Variants in DGKI observed in about 807,000 individuals in gnomAD.
The protein encoded by DGKI is diacylglycerol kinase iota.
Under a neutral mutation model 147.5 loss-of-function variants are expected in DGKI, and 55 were observed. That is an observed-to-expected ratio of 0.37 (90% CI 0.30 to 0.47). The LOEUF (loss-of-function observed/expected upper bound fraction) is 0.47. DGKI is among the 20% of genes least tolerant of loss of function. DGKI has a pLI of 1.00. For synonymous variants in DGKI, 469 were observed against 477.1 expected (o/e 0.98, Z 0.22); for missense variants, 1,007 against 1,323.8 (o/e 0.76, Z 3.71).
chr7:137,404,021 CA>C, intron 30 of DGKI, among the ~76,000 whole-genome samples: 1 of 152,234 alleles, frequency 6.6e-6, no homozygotes, highest in South Asian at 2.1e-4. Context: ...CCAGAGTTAT[CA>C]TCATTACTAA....
intron 6 of DGKI, among the ~76,000 whole-genome samples, chr7:137,636,884 C>T (rs1340737112): frequency 6.6e-6 from 1 of 152,174 alleles, no homozygotes; most frequent in East Asian, 1.9e-4. Context: ...ACACTCAGGG[C>T]TCCTCCTTCC....
At chr7:137,688,648 A>ACATAATACACTCTCATCATTGCTCCATG (rs1823506083) in intron 2 of DGKI, among the ~76,000 whole-genome samples, 2 of 152,238 alleles carry the variant, frequency 1.3e-5, no homozygotes, top group African/African-American at 2.4e-5. Context: ...GTTCCTTGAT[A>ACATAATACACTCTCATCATTGCTCCATG]CATAATACAC....
intron 1 of DGKI, among the ~76,000 whole-genome samples, chr7:137,797,802 G>A (rs1797079755): frequency 6.6e-6 from 1 of 151,760 alleles, no homozygotes; most frequent in East Asian, 1.9e-4. Context: ...CACACCTTAA[G>A]AAACTAGAAG....
At chr7:137,659,677 A>G (rs1822349073) in intron 3 of DGKI, among the ~76,000 whole-genome samples, 1 of 152,228 alleles carries the variant, frequency 6.6e-6, no homozygotes, top group Non-Finnish European at 1.5e-5. Context: ...TCATGCCTGT[A>G]ATCCCAGCAC....
chr7:137,428,816 A>G (rs1812931886), intron 28 of DGKI, among the ~76,000 whole-genome samples: 3 of 152,136 alleles, frequency 2.0e-5, no homozygotes, highest in African/African-American at 4.8e-5. Context: ...CTTCAAAGAG[A>G]ATAAAATACC....
At chr7:137,581,355 T>C (rs1253423738) in intron 15 of DGKI, among the ~76,000 whole-genome samples, 1 of 152,116 alleles carries the variant, frequency 6.6e-6, no homozygotes, top group African/African-American at 2.4e-5. Context: ...CTATAGCTCC[T>C]CTATTGTTCT....
At chr7:137,689,258 A>G (rs2116450063) in intron 2 of DGKI, among the ~76,000 whole-genome samples, 1 of 152,334 alleles carries the variant, frequency 6.6e-6, no homozygotes, top group East Asian at 1.9e-4. Flanking sequence ...CTTTGGGTCT[A>G]CAGTTAGAAA....
intron 6 of DGKI, among the ~76,000 whole-genome samples, chr7:137,642,929 A>AGT (rs1207086851): frequency 0.16 from 19,413 of 120,950 alleles, 1,754 homozygotes; most frequent in African/African-American, 0.23. Flanking sequence ...ATTATGGAAT[A>AGT]GTGTGTGTGT....
chr7:137,508,880 A>C (rs937079489), intron 21 of DGKI, among the ~76,000 whole-genome samples: 10 of 152,238 alleles, frequency 6.6e-5, no homozygotes, highest in African/African-American at 2.4e-4. Flanking sequence ...CTATGGACAG[A>C]TACTTTGCTG....
intron 20 of DGKI, among the ~76,000 whole-genome samples, chr7:137,542,523 C>T (rs190631574): frequency 6.6e-6 from 1 of 152,134 alleles, no homozygotes. Context: ...ATGGACTACA[C>T]ATTGTATACT....
chr7:137,584,176 C>G (rs1819305161), intron 14 of DGKI, among the ~76,000 whole-genome samples: 1 of 152,094 alleles, frequency 6.6e-6, no homozygotes, highest in African/African-American at 2.4e-5. Context: ...AATTGGGATA[C>G]CATTTAAAGT....
intron 27 of DGKI, among the ~76,000 whole-genome samples, chr7:137,445,598 T>C (rs1205952654): frequency 6.6e-6 from 1 of 152,330 alleles, no homozygotes; most frequent in Non-Finnish European, 1.5e-5. Context: ...TTAGAACAGA[T>C]GAGCCCTTAA....
intron 8 of DGKI, among the ~76,000 whole-genome samples, chr7:137,619,561 A>G (rs568665340): frequency 5.3e-5 from 8 of 152,312 alleles, no homozygotes; most frequent in South Asian, 4.1e-4. Flanking sequence ...ATCAAAGAGA[A>G]TATCATTAGC....
In DGKI at chr7:137,411,913, A is replaced by C. The variant is rs534106473; in HGVS notation, c.2799+257T>G. On this transcript the variant is annotated intron_variant, in intron 29 of 32. Coordinates refer to ENST00000614521, the MANE Select transcript of DGKI (RefSeq NM_001321708.2). ...GAAATCTTTAAATTCTTCAAATGTC[A>C]GCTTCTAGAGGGCAGGCACACTGTG... is the stretch of plus-strand genomic sequence containing the variant. Among the ~76,000 whole-genome samples, 65 of 152,306 alleles carry C rather than the reference A, an allele frequency of 4.3e-4. No homozygotes were observed. The South Asian group carries it at 7.5e-3, about 17-fold the overall frequency.
chr7:137,432,596 T>C (rs1367735585), intron 28 of DGKI, among the ~76,000 whole-genome samples: 2 of 152,196 alleles, frequency 1.3e-5, no homozygotes, highest in Non-Finnish European at 2.9e-5. Context: ...ATTATCATCC[T>C]CATTTTCAGG....
At chr7:137,413,265 CAAAAAAAAA>C (rs35856159) in intron 28 of DGKI, among the ~76,000 whole-genome samples, 2 of 92,634 alleles carry the variant, frequency 2.2e-5, no homozygotes, top group East Asian at 3.5e-4. Flanking sequence ...GACTCCATCT[CAAAAAAAAA>C]AAAAAAAAAA....
chr7:137,691,284 T>G (rs1332747681), intron 1 of DGKI, among the ~76,000 whole-genome samples: 1 of 152,192 alleles, frequency 6.6e-6, no homozygotes, highest in African/African-American at 2.4e-5. Flanking sequence ...AGCAATTGCA[T>G]TATTTACTTT....
At chr7:137,675,861 C>G (rs1823019500) in intron 3 of DGKI, among the ~76,000 whole-genome samples, 1 of 152,118 alleles carries the variant, frequency 6.6e-6, no homozygotes, top group African/African-American at 2.4e-5. Context: ...TTTTCCATTT[C>G]TAACAACAGA....
chr7:137,431,935 C>T (rs1477581124), intron 28 of DGKI, among the ~76,000 whole-genome samples: 1 of 152,214 alleles, frequency 6.6e-6, no homozygotes, highest in Non-Finnish European at 1.5e-5. Context: ...GAATTGTAAT[C>T]CCCAGTGATG....
Sources: allele counts gnomAD v4.1 joint callset (sites outside exome capture counted in the v4.1 genomes callset), GRCh38; gene constraint gnomAD v4.1.1; transcripts MANE v1.5; gene names NCBI Gene and HGNC (gene_info 2026-07-23, HGNC 2026-07-21).